AKT2: variants seen among roughly 807,000 people sequenced by gnomAD.
The protein encoded by AKT2 is RAC-beta serine/threonine-protein kinase.
A neutral mutation model predicts 58.6 loss-of-function variants in AKT2; 16 were observed. The observed-to-expected ratio is 0.27, with a 90% CI of 0.18 to 0.41. The LOEUF (loss-of-function observed/expected upper bound fraction) is 0.41, where lower values mean the gene tolerates loss of function less well. Among genes scored for constraint, AKT2 ranks in the 10% least tolerant of loss-of-function variants. The pLI is 1.00. For missense variants in AKT2, 438 were observed against 661.0 expected (o/e 0.66, Z 3.70); for synonymous variants, 253 against 254.0 (o/e 1.00, Z 0.04).
chr19:40,249,243 C>T (rs1974968047), intron 4 of AKT2, among the ~76,000 whole-genome samples: 1 of 152,130 alleles, frequency 6.6e-6, no homozygotes. Flanking sequence ...GTGTGGGCTA[C>T]GGACTGGGGG....
At chr19:40,279,647 C>T (rs893024310) in intron 1 of AKT2, 2 of 130,528 alleles carry the variant, frequency 1.5e-5, no homozygotes, top group African/African-American at 5.4e-5. Context: ...CCCTGGAACA[C>T]ACCTCAAAAA....
In AKT2 at chr19:40,233,594, A is replaced by G. The variant is rs1240026373; in HGVS notation, c.*278T>C. 2 of 714,546 alleles carry G rather than the reference A, an allele frequency of 2.8e-6. No homozygotes were observed. Among genetic ancestry groups the G allele is most frequent in the South Asian group, 2.7e-5 (2 of 73,292 alleles). 44.3% of individuals were successfully genotyped at this position (714,546 alleles called of 1,614,324 possible). A position where few individuals can be genotyped will look rare whatever the true frequency, so the allele number is the denominator to read the frequency against. The stretch of plus-strand genomic sequence containing the variant: ...TCACCCCTCACTGGGGCTTGTGTGG[A>G]TTAAAACCTGAATCTCCAACCGCCC... On this transcript the variant is annotated 3_prime_UTR_variant, in exon 14 of 14. Coordinates refer to ENST00000392038, the MANE Select transcript of AKT2 (RefSeq NM_001626.6). The surrounding 1 kb of genome is among the most constrained non-coding windows in gnomAD (Gnocchi z 4.3).
intron 1 of AKT2, among the ~76,000 whole-genome samples, chr19:40,276,616 G>A (rs969564677): frequency 5.3e-5 from 8 of 151,660 alleles, no homozygotes; most frequent in Admixed American, 3.3e-4. Context: ...CACCCTCCTC[G>A]GCCTCCCAAA....
chr19:40,231,661 G>A lies in AKT2; in HGVS notation c.*2211C>T, dbSNP rs959647683. On this transcript the variant is annotated 3_prime_UTR_variant, in exon 14 of 14. Coordinates refer to ENST00000392038, the MANE Select transcript of AKT2 (RefSeq NM_001626.6). ...GGCTCTGGTCCCTGGTCCCTTGCTG[G>A]GGGAGGTGTTCCATCCGGCCAGCGC... 8.6e-6 allele frequency: 2 copies of A among 233,324 alleles called. No homozygotes were observed. Among genetic ancestry groups the A allele is most frequent in the Admixed American group, 5.6e-5 (1 of 17,786 alleles). The allele number at this position is 233,324 out of a possible 1,614,324, so 14.5% of individuals were successfully genotyped here.
chr19:40,236,384 A>G lies in AKT2; in HGVS notation c.833T>C (p.Leu278Pro). 6.2e-7 allele frequency: 1 copy of G among 1,614,118 alleles called. No individual in the cohort carries two copies. Among genetic ancestry groups the G allele is most frequent in the Non-Finnish European group, 8.5e-7 (1 of 1,180,022 alleles). The change falls in exon 10 of 14, where the codon CTG (leucine) becomes CCG (proline). Residue 278 changes from leucine (L) to proline (P), a missense_variant and splice_region_variant. By Grantham distance (98) the Leu-to-Pro change is moderately conservative. Coordinates refer to ENST00000392038, the MANE Select transcript of AKT2 (RefSeq NM_001626.6). Reference protein sequence around the residue: ...SRDVVYRDIKLENLMLDKDGH... With the variant: ...SRDVVYRDIKPENLMLDKDGH... The stretch of plus-strand genomic sequence containing the variant: ...ATCTTTGTCCAGCATGAGGTTTTCC[A>G]GCTGTTGGAAAAGTCAACGGATCTC...
intron 1 of AKT2, among the ~76,000 whole-genome samples, chr19:40,281,805 T>G (rs1271849781): frequency 6.6e-6 from 1 of 152,276 alleles, no homozygotes; most frequent in Non-Finnish European, 1.5e-5. Flanking sequence ...GCTCACCATG[T>G]GTCGGGCACT....
chr19:40,232,967 C>T lies in AKT2; in HGVS notation c.*905G>A. 1 of 205,750 alleles carries T rather than the reference C, an allele frequency of 4.9e-6. No homozygotes were observed. The highest frequency in any genetic ancestry group is 9.7e-6 in the Non-Finnish European group (1 of 103,554). The allele number at this position is 205,750 out of a possible 1,614,324, so 12.7% of individuals were successfully genotyped here. A position where few individuals can be genotyped will look rare whatever the true frequency, so the allele number is the denominator to read the frequency against. On this transcript the variant is annotated 3_prime_UTR_variant, in exon 14 of 14. Coordinates refer to ENST00000392038, the MANE Select transcript of AKT2 (RefSeq NM_001626.6). Reference sequence around the variant, plus strand: ...CCCCTCCCTGACCAAGTCCATGGGGCCCAATACTGTCCGGTGTAAGATTGT... The same window carrying T: ...CCCCTCCCTGACCAAGTCCATGGGGTCCAATACTGTCCGGTGTAAGATTGT...
chr19:40,232,062 A>C lies in AKT2; in HGVS notation c.*1810T>G, dbSNP rs1973728995. ...CCCTCCACCCCACCTCTCTTAGCCT[A>C]AGCAGCACTGAGGGCCTGGAGTGGT... On this transcript the variant is annotated 3_prime_UTR_variant, in exon 14 of 14. Coordinates refer to ENST00000392038, the MANE Select transcript of AKT2 (RefSeq NM_001626.6). 8.6e-6 allele frequency: 2 copies of C among 233,484 alleles called. No individual in the cohort carries two copies. Among genetic ancestry groups the C allele is most frequent in the African/African-American group, 4.4e-5 (2 of 45,280 alleles). The allele number at this position is 233,484 out of a possible 1,614,324, so 14.5% of individuals were successfully genotyped here.
intron 2 of AKT2, among the ~76,000 whole-genome samples, chr19:40,257,579 GCACACAAA>G (rs1247495887): frequency 1.3e-5 from 1 of 76,238 alleles, no homozygotes; most frequent in Non-Finnish European, 2.4e-5. Flanking sequence ...AGCACCCTAT[GCACACAAA>G]CACACACACA....
At position 40,242,627 on chromosome 19, in the gene AKT2, G is replaced by A. The variant is rs1270087239; in HGVS notation, c.348C>T (p.Gly116=). The change falls in exon 5 of 14, where the codon GGC becomes GGT. Residue 116 remains glycine, a synonymous_variant. Transcript: ENST00000392038. This position sits in a 1 kb window ranked among gnomAD's most constrained non-coding sequence, Gnocchi z 4.3. ...VANSLKQRAP[G]EDPMDYKCGS... ...CACACTTGTAGTCCATGGGGTCCTC[G>A]CCTGGGGCCCGCTGCTTGAGGCTGT... 9 of 1,613,534 alleles carry A rather than the reference G, an allele frequency of 5.6e-6. No individual in the cohort carries two copies. Among genetic ancestry groups the A allele is most frequent in the Non-Finnish European group, 6.8e-6 (8 of 1,180,012 alleles).
At chr19:40,260,995 C>T (rs1359006401) in intron 2 of AKT2, among the ~76,000 whole-genome samples, 5 of 152,214 alleles carry the variant, frequency 3.3e-5, no homozygotes, top group Non-Finnish European at 7.3e-5. Context: ...AAGCCAGTCA[C>T]AAAAGGCCAC....
At position 40,231,348 on chromosome 19, in the gene AKT2, T is replaced by C. The variant is rs1973693141; in HGVS notation, c.*2524A>G. The C allele has an allele frequency of 4.3e-6, 1 of 232,676 alleles. No individual in the cohort carries two copies. The highest frequency in any genetic ancestry group is 1.8e-4 in the South Asian group (1 of 5,522). The allele number at this position is 232,676 out of a possible 1,614,324, so 14.4% of individuals were successfully genotyped here. A position where few individuals can be genotyped will look rare whatever the true frequency, so the allele number is the denominator to read the frequency against. ...TCGGGGCTGGGACGAGATGGAAGAG[T>C]AAAAGGCCTTTCTTCATAGGCCTGC... On this transcript the variant is annotated 3_prime_UTR_variant, in exon 14 of 14. Transcript: ENST00000392038.
rs750328860 is a variant in AKT2 at position 40,242,579 on chromosome 19, C to T, written c.396G>A (p.Thr132=). Residue 132 remains threonine (T), a synonymous_variant, in exon 5 of 14, where the codon ACG becomes ACA. Coordinates refer to ENST00000392038, the MANE Select transcript of AKT2 (RefSeq NM_001626.6). The surrounding 1 kb of genome is among the most constrained non-coding windows in gnomAD (Gnocchi z 4.3). ...YKCGSPSDSS[T]TEEMEVAVSK... ...TGACCGCCACTTCCATCTCCTCAGT[C>T]GTGGAGGAGTCACTGGGGGAGCCAC... The T allele has an allele frequency of 5.6e-6, 9 of 1,613,800 alleles. No homozygotes were observed. In the Admixed American group the frequency reaches 6.7e-5, roughly 12 times the overall value.
At chr19:40,275,771 G>GC (rs1413352087) in intron 1 of AKT2, among the ~76,000 whole-genome samples, 1 of 100,074 alleles carries the variant, frequency 1.0e-5, no homozygotes, top group Non-Finnish European at 2.2e-5. Flanking sequence ...GGCTGGGGGG[G>GC]GGGGGGGTGG....
intron 1 of AKT2, among the ~76,000 whole-genome samples, chr19:40,283,996 G>A (rs2077469576): frequency 6.6e-6 from 1 of 152,134 alleles, no homozygotes; most frequent in Non-Finnish European, 1.5e-5. Flanking sequence ...TTGGTTCCTG[G>A]ACCCTTCACA....
At chr19:40,265,448 C>T (rs2145364625) in intron 1 of AKT2, 97 bp from the exon 2 acceptor site, 2 of 1,474,390 alleles carry the variant, frequency 1.4e-6, no homozygotes, top group East Asian at 5.0e-5. Context: ...GGCTGTTCTG[C>T]CCACTCAGCA....
At chr19:40,254,398 C>G (rs532994430) in intron 4 of AKT2, among the ~76,000 whole-genome samples, 2 of 152,108 alleles carry the variant, frequency 1.3e-5, no homozygotes, top group South Asian at 4.1e-4. Context: ...TGTGGTGGCA[C>G]GTGCCTGTAA....
chr19:40,238,834 G>T lies in AKT2; in HGVS notation c.708+71C>A. On this transcript the variant is annotated intron_variant, in intron 8 of 13. Transcript: ENST00000392038. This position sits in a 1 kb window ranked among gnomAD's most constrained non-coding sequence, Gnocchi z 5.1. ...CCTCCACCCTTCCATCTCACCCACAGCTCCTCTCCATCCCGCCCCACCCTA... is the reference window on the plus strand; with the variant it reads ...CCTCCACCCTTCCATCTCACCCACATCTCCTCTCCATCCCGCCCCACCCTA... 6.7e-7 allele frequency: 1 copy of T among 1,503,374 alleles called. No homozygotes were observed. Among genetic ancestry groups the T allele is most frequent in the Non-Finnish European group, 9.3e-7 (1 of 1,079,972 alleles). 93.1% of individuals were successfully genotyped at this position (1,503,374 alleles called of 1,614,324 possible).
intron 1 of AKT2, among the ~76,000 whole-genome samples, chr19:40,280,152 G>A (rs1026437152): frequency 4.6e-5 from 7 of 152,234 alleles, no homozygotes; most frequent in Non-Finnish European, 4.4e-5. Context: ...TGGGAATGGC[G>A]CAGGCCTACA....
Sources: allele counts gnomAD v4.1 joint callset (sites outside exome capture counted in the v4.1 genomes callset), GRCh38; gene constraint gnomAD v4.1.1; non-coding constraint Gnocchi (gnomAD v3.1); transcripts MANE v1.5; gene names NCBI Gene and HGNC (gene_info 2026-07-23, HGNC 2026-07-21).